The following RARB variants were observed in gnomAD, a reference collection of about 807,000 sequenced individuals.
RARB encodes retinoic acid receptor beta.
Under a neutral mutation model 51.9 loss-of-function variants are expected in RARB, and 17 were observed. The ratio of observed to expected loss-of-function variants is 0.33; its 90% CI spans 0.22 to 0.49. RARB has a LOEUF of 0.49. Among genes scored for constraint, RARB ranks in the 20% least tolerant of loss-of-function variants. RARB has a pLI of 0.99. For synonymous variants in RARB, 215 were observed against 195.4 expected (o/e 1.10, Z -0.84); for missense variants, 369 against 550.8 (o/e 0.67, Z 3.30).
At chr3:25,364,319 C>A (rs2125466343) in intron 5 of RARB, among the ~76,000 whole-genome samples, 1 of 152,220 alleles carries the variant, frequency 6.6e-6, no homozygotes, top group Admixed American at 6.5e-5. Flanking sequence ...ATTGGGGTTA[C>A]TCCAAAAAAA....
chr3:25,164,571 AC>A (rs1339892654), intron 4 of RARB, among the ~76,000 whole-genome samples: 1 of 152,212 alleles, frequency 6.6e-6, no homozygotes, highest in Non-Finnish European at 1.5e-5. Flanking sequence ...TGTTAAAAAT[AC>A]ATTTATGGCT....
intron 2 of RARB, among the ~76,000 whole-genome samples, chr3:24,997,723 G>T (rs886201659): frequency 1.3e-5 from 2 of 152,010 alleles, no homozygotes; most frequent in Non-Finnish European, 2.9e-5. Context: ...ACTATATACT[G>T]TTGATTTATA....
At chr3:25,512,998 C>G (rs1246276922) in intron 3 of RARB, among the ~76,000 whole-genome samples, 2 of 151,224 alleles carry the variant, frequency 1.3e-5, no homozygotes, top group Non-Finnish European at 2.9e-5. Context: ...GAATTGAAAG[C>G]AAAGGGTACG....
chr3:25,257,932 C>A (rs370183969), intron 5 of RARB, among the ~76,000 whole-genome samples: 1 of 152,242 alleles, frequency 6.6e-6, no homozygotes, highest in South Asian at 2.1e-4. Context: ...AGTTGAGCCC[C>A]TTCATCATTT....
intron 2 of RARB, among the ~76,000 whole-genome samples, chr3:24,950,713 GAAA>G (rs71622789): frequency 2.1e-5 from 2 of 94,070 alleles, no homozygotes; most frequent in Admixed American, 9.6e-5. Flanking sequence ...GCAGGAAAAG[GAAA>G]AAAAAAAAAA....
chr3:24,901,388 T>C (rs1327812248), intron 2 of RARB, among the ~76,000 whole-genome samples: 3 of 152,114 alleles, frequency 2.0e-5, no homozygotes, highest in Non-Finnish European at 4.4e-5. Context: ...CAAACCTATA[T>C]GGATTTCATC....
chr3:25,097,378 G>A (rs1384930992), intron 3 of RARB, among the ~76,000 whole-genome samples: 2 of 152,188 alleles, frequency 1.3e-5, no homozygotes, highest in Non-Finnish European at 2.9e-5. Flanking sequence ...TGAAAACATT[G>A]AGGGGGTTAC....
intron 3 of RARB, among the ~76,000 whole-genome samples, chr3:25,524,655 CCTTCCTTCTTT>C (rs1266978095): frequency 1.4e-5 from 2 of 145,360 alleles, no homozygotes; most frequent in East Asian, 4.5e-4. Flanking sequence ...CTCCCTCCTT[CCTTCCTTCTTT>C]CTTCCTCTTC....
At chr3:24,986,086 A>T (rs1347709126) in intron 2 of RARB, among the ~76,000 whole-genome samples, 3 of 152,216 alleles carry the variant, frequency 2.0e-5, no homozygotes, top group Non-Finnish European at 4.4e-5. Context: ...GAGTGGTGAC[A>T]AGCTGGTTTT....
At chr3:25,555,783 T>G (rs1355321167) in intron 3 of RARB, among the ~76,000 whole-genome samples, 1 of 152,220 alleles carries the variant, frequency 6.6e-6, no homozygotes, top group African/African-American at 2.4e-5. Flanking sequence ...GTTGGAGTTC[T>G]CTACTGCTTG....
chr3:25,327,232 T>TAA (rs200031785), intron 5 of RARB, among the ~76,000 whole-genome samples: 3 of 151,892 alleles, frequency 2.0e-5, no homozygotes, highest in Non-Finnish European at 4.4e-5. Context: ...TATTTTTTTT[T>TAA]AAAAAAAGGG....
At position 25,204,819 on chromosome 3, in the gene RARB, G is replaced by A. The variant is rs139734144; in HGVS notation, c.178+30244G>A. 2.2e-3 allele frequency among the ~76,000 whole-genome samples: 340 copies of A among 152,320 alleles called. 2 individuals carry two copies. The highest frequency in any genetic ancestry group is 7.7e-3 in the African/African-American group (321 of 41,570). On this transcript the variant is annotated intron_variant, in intron 5 of 11. Transcript: ENST00000383772. ...TCAGAGTAGTACCCAGCCGTGTGAC[G>A]TGTCAGTCTGCCCCTACTTGGGGGT...
intron 2 of RARB, among the ~76,000 whole-genome samples, chr3:25,467,505 C>T (rs561794154): frequency 6.8e-5 from 3 of 44,362 alleles, no homozygotes; most frequent in African/African-American, 2.3e-4. Flanking sequence ...AATCACCATA[C>T]AATCATAGCA....
At chr3:25,475,673 C>A (rs1695910779) in intron 2 of RARB, among the ~76,000 whole-genome samples, 1 of 152,098 alleles carries the variant, frequency 6.6e-6, no homozygotes, top group Non-Finnish European at 1.5e-5. Context: ...TTGCTGGAAC[C>A]CAAGTCACCT....
At chr3:25,129,258 G>T (rs916256275) in intron 3 of RARB, among the ~76,000 whole-genome samples, 4 of 151,914 alleles carry the variant, frequency 2.6e-5, no homozygotes, top group Non-Finnish European at 5.9e-5. Flanking sequence ...GTAAATATTA[G>T]AACCCATGAT....
intron 5 of RARB, among the ~76,000 whole-genome samples, chr3:25,419,876 C>A (rs896298597): frequency 6.6e-6 from 1 of 151,996 alleles, no homozygotes; most frequent in Non-Finnish European, 1.5e-5. Flanking sequence ...CTTTGCTTAT[C>A]TTTTTTTGAA....
At chr3:25,045,503 C>G (rs959557606) in intron 2 of RARB, among the ~76,000 whole-genome samples, 3 of 152,194 alleles carry the variant, frequency 2.0e-5, no homozygotes, top group Non-Finnish European at 4.4e-5. Flanking sequence ...TGTCCTGTTT[C>G]TGTGTGTTCA....
intron 3 of RARB, among the ~76,000 whole-genome samples, chr3:25,112,187 A>G (rs1699613712): frequency 6.6e-6 from 1 of 152,118 alleles, no homozygotes; most frequent in Non-Finnish European, 1.5e-5. Flanking sequence ...ATGAGACCAG[A>G]TTCAAATTAC....
At chr3:25,022,590 T>C (rs903274835) in intron 2 of RARB, among the ~76,000 whole-genome samples, 3 of 152,232 alleles carry the variant, frequency 2.0e-5, no homozygotes, top group East Asian at 1.9e-4. Flanking sequence ...TCTACATGCT[T>C]ACTAGCCCTT....
Sources: gnomAD v4.1 joint callset for allele counts (sites outside exome capture counted in the v4.1 genomes callset) on GRCh38, gnomAD v4.1.1 for gene constraint, MANE v1.5 for transcripts, NCBI Gene and HGNC (gene_info 2026-07-23, HGNC 2026-07-21) for gene names.